ADGRV1: variants seen among roughly 807,000 people sequenced by gnomAD.
ADGRV1 encodes adhesion G protein-coupled receptor V1.
A neutral mutation model predicts 596.2 loss-of-function variants in ADGRV1; 359 were observed. The ratio of observed to expected loss-of-function variants is 0.60; its 90% CI spans 0.55 to 0.66. The LOEUF (loss-of-function observed/expected upper bound fraction) is 0.66. Among genes scored for constraint, ADGRV1 ranks in the 30% least tolerant of loss-of-function variants. The probability of loss-of-function intolerance (pLI) is 0.00; values close to 1 mark genes in which losing one functional copy is unlikely to be tolerated. For missense variants in ADGRV1, 7,274 were observed against 7,575.6 expected, an observed-to-expected ratio of 0.96 and a Z score of 1.48; for synonymous variants, 2,681 against 2,679.2, an observed-to-expected ratio of 1.00 and a Z score of -0.02.
At chr5:90,874,329 G>A (rs550415719) in intron 83 of ADGRV1, among the ~76,000 whole-genome samples, 17 of 152,234 alleles carry the variant, frequency 1.1e-4, no homozygotes, top group Admixed American at 1.0e-3. Flanking sequence ...CAACTCTTAC[G>A]TTACCACCTC....
intron 83 of ADGRV1, among the ~76,000 whole-genome samples, chr5:90,875,936 G>A (rs1253732578): frequency 6.6e-6 from 1 of 152,154 alleles, no homozygotes. Flanking sequence ...TAATTAAAAT[G>A]GGCCATTAAA....
intron 10 of ADGRV1, among the ~76,000 whole-genome samples, chr5:90,635,556 A>G (rs1048576581): frequency 3.3e-5 from 5 of 152,090 alleles, no homozygotes; most frequent in African/African-American, 1.2e-4. Flanking sequence ...AGATAGTTCT[A>G]TGACATTCGA....
chr5:90,691,077 A>C (rs768939550), intron 31 of ADGRV1, 36 bp downstream of exon 31: 2 of 1,611,818 alleles, frequency 1.2e-6, no homozygotes, highest in East Asian at 2.2e-5. Flanking sequence ...GACACTGTAA[A>C]TCATACCGTA....
At chr5:90,961,272 G>T (rs141171644) in intron 83 of ADGRV1, among the ~76,000 whole-genome samples, 1,948 of 152,120 alleles carry the variant, frequency 0.013, 23 homozygotes, top group Non-Finnish European at 0.019. Context: ...AGGCCGAAGC[G>T]GGCGGATCAT....
At chr5:90,818,418 C>T (rs1763131186) in intron 75 of ADGRV1, among the ~76,000 whole-genome samples, 2 of 144,604 alleles carry the variant, frequency 1.4e-5, no homozygotes, top group African/African-American at 5.0e-5. Context: ...CCTTCTCCTG[C>T]CTAATTGCCC....
Position 90,848,786 on chromosome 5 carries a change from G to C in ADGRV1, c.17169G>C (p.Leu5723=). 1 of 1,587,544 alleles carries C rather than the reference G, an allele frequency of 6.3e-7. No homozygotes were observed. Among genetic ancestry groups the C allele is most frequent in the Non-Finnish European group, 8.5e-7 (1 of 1,170,180 alleles). Residue 5723 remains leucine (L), a synonymous_variant, in exon 79 of 90, where the codon CTG becomes CTC. Transcript: ENST00000405460. Reference sequence around the variant, plus strand: ...TGACTGAGAATTTTGCCTTTTCTCTGCTGACTAATGTTACTTGCGGCTCTC... The same window carrying C: ...TGACTGAGAATTTTGCCTTTTCTCTCCTGACTAATGTTACTTGCGGCTCTC... ...AEVTENFAFS[L]LTNVTCGSPG...
At chr5:91,085,710 A>C (rs904619509) in intron 86 of ADGRV1, among the ~76,000 whole-genome samples, 4 of 152,120 alleles carry the variant, frequency 2.6e-5, no homozygotes, top group African/African-American at 9.7e-5. Flanking sequence ...ATTTTCCACA[A>C]CTGCCTCACA....
At chr5:90,656,854 A>G (rs1165396322) in intron 20 of ADGRV1, among the ~76,000 whole-genome samples, 1 of 152,294 alleles carries the variant, frequency 6.6e-6, no homozygotes, top group African/African-American at 2.4e-5. Context: ...GAACTAGTGA[A>G]AGCATGAAAA....
chr5:90,694,443 C>T lies in ADGRV1; in HGVS notation c.7687C>T (p.Pro2563Ser). The change falls in exon 33 of 90, where the codon CCA becomes TCA. Residue 2563 changes from proline (P) to serine (S), a missense_variant. By Grantham distance (74) the Pro-to-Ser change is moderately conservative. Around this residue, in one of 5 missense-constraint regions of ADGRV1, gnomAD observed 3,643 missense variants for 3,809.2 expected, o/e 0.96. Coordinates refer to ENST00000405460, the MANE Select transcript of ADGRV1 (RefSeq NM_032119.4). Reference sequence around the variant, plus strand: ...GAAAAATCAGCCAACCATAGGACAGCCAAATATTTCTACAGTTGTCATAGC... The same window carrying T: ...GAAAAATCAGCCAACCATAGGACAGTCAAATATTTCTACAGTTGTCATAGC... ...SLKNQPTIGQ[P>S]NISTVVIALN... 1 of 1,613,964 alleles carries T rather than the reference C, an allele frequency of 6.2e-7. No individual in the cohort carries two copies. Among genetic ancestry groups the T allele is most frequent in the Non-Finnish European group, 8.5e-7 (1 of 1,179,856 alleles).
intron 79 of ADGRV1, among the ~76,000 whole-genome samples, chr5:90,851,128 TGTGTGTGA>T (rs1766454514): frequency 5.8e-5 from 5 of 86,882 alleles, no homozygotes; most frequent in African/African-American, 1.8e-4. Flanking sequence ...TGTGTGTGTG[TGTGTGTGA>T]GAGAGAGAGA....
intron 84 of ADGRV1, among the ~76,000 whole-genome samples, chr5:90,977,584 G>A (rs1402124227): frequency 2.0e-5 from 3 of 152,194 alleles, no homozygotes; most frequent in African/African-American, 7.2e-5. Context: ...GCGAATGAAT[G>A]TGTGTTTATG....
chr5:90,829,813 T>C (rs1764377325), intron 77 of ADGRV1, among the ~76,000 whole-genome samples: 1 of 152,134 alleles, frequency 6.6e-6, no homozygotes, highest in South Asian at 2.1e-4. Context: ...AACTCTAATA[T>C]AGTAAAGCAA....
At chr5:91,126,264 GTA>G (rs1315284912) in intron 87 of ADGRV1, among the ~76,000 whole-genome samples, 1 of 152,186 alleles carries the variant, frequency 6.6e-6, no homozygotes, top group Non-Finnish European at 1.5e-5. Context: ...TTCTCTCAAT[GTA>G]GGGAAATCTC....
chr5:90,675,506 C>A, intron 24 of ADGRV1, 61 bp downstream of exon 24: 4 of 1,414,932 alleles, frequency 2.8e-6, no homozygotes, highest in Non-Finnish European at 3.9e-6. Context: ...TAATCCTTCT[C>A]TGGAAGGGAT....
At chr5:90,671,822 T>A (rs548374593) in intron 21 of ADGRV1, among the ~76,000 whole-genome samples, 10 of 152,224 alleles carry the variant, frequency 6.6e-5, no homozygotes, top group African/African-American at 2.4e-4. Flanking sequence ...TAAATGATAT[T>A]CCAGCTGCTT....
intron 75 of ADGRV1, among the ~76,000 whole-genome samples, chr5:90,818,028 G>T (rs1455289920): frequency 1.3e-5 from 2 of 151,812 alleles, no homozygotes; most frequent in Non-Finnish European, 2.9e-5. Flanking sequence ...TCACGATATT[G>T]ATTCTTCCTA....
At chr5:90,877,734 T>G (rs1769355826) in intron 83 of ADGRV1, among the ~76,000 whole-genome samples, 1 of 152,050 alleles carries the variant, frequency 6.6e-6, no homozygotes. Context: ...TTCAATGCTT[T>G]TTCTTTTTTT....
intron 59 of ADGRV1, among the ~76,000 whole-genome samples, chr5:90,771,768 G>A (rs912428448): frequency 2.0e-5 from 3 of 152,098 alleles, no homozygotes; most frequent in Non-Finnish European, 4.4e-5. Context: ...TAATTGTTCT[G>A]AATTTTAAAG....
In ADGRV1 at chr5:90,778,461, T is replaced by G; in HGVS notation, c.12701T>G (p.Phe4234Cys). 3 of 1,613,114 alleles carry G rather than the reference T, an allele frequency of 1.9e-6. No individual in the cohort carries two copies. In the African/African-American group the frequency reaches 4.0e-5, roughly 22 times the overall value. The change falls in exon 63 of 90, where the codon TTC (phenylalanine) becomes TGC (cysteine). Residue 4234 changes from phenylalanine (F) to cysteine (C), a missense_variant. By Grantham distance (205) the Phe-to-Cys change is radical. Transcript: ENST00000405460. ...GATGACATTCCCGAGGAAAAAAGCT[T>G]CTATGAGTTTCAGCTCACTGCAGTC... Reference protein sequence around the residue: ...LNDDIPEEKSFYEFQLTAVSE... With the variant: ...LNDDIPEEKSCYEFQLTAVSE...
Sources: gnomAD v4.1 joint callset for allele counts (sites outside exome capture counted in the v4.1 genomes callset) on GRCh38, gnomAD v4.1.1 for gene constraint, gnomAD v4.1.1 regional missense constraint, MANE v1.5 for transcripts, NCBI Gene and HGNC (gene_info 2026-07-23, HGNC 2026-07-21) for gene names.